The following AKR1B15 variants were observed in gnomAD, a reference collection of about 807,000 sequenced individuals.
The protein encoded by AKR1B15 is estradiol 17-beta-dehydrogenase AKR1B15.
A neutral mutation model predicts 38.5 loss-of-function variants in AKR1B15; 49 were observed. That is an observed-to-expected ratio of 1.27 (90% CI 1.01 to 1.62). The LOEUF is 1.62. Ranked by LOEUF, AKR1B15 falls within the 40% of genes most tolerant of loss-of-function variation. The probability of loss-of-function intolerance (pLI) is 0.00; values close to 1 mark genes in which losing one functional copy is unlikely to be tolerated. For missense variants in AKR1B15, 411 were observed against 381.6 expected, an observed-to-expected ratio of 1.08 and a Z score of -0.64; for synonymous variants, 137 against 135.5, an observed-to-expected ratio of 1.01 and a Z score of -0.08.
At chr7:134,551,169 T>A (rs1248606086) in intron 1 of AKR1B15, among the ~76,000 whole-genome samples, 1 of 152,072 alleles carries the variant, frequency 6.6e-6, no homozygotes, top group Admixed American at 6.5e-5. Flanking sequence ...CCTATAACCC[T>A]CCTCCTCCCC....
chr7:134,564,460 C>A (rs778425383), intron 2 of AKR1B15, 138 bp from the exon 3 acceptor site: 2 of 465,500 alleles, frequency 4.3e-6, no homozygotes, highest in Non-Finnish European at 7.6e-6. Flanking sequence ...TCAGGCAATG[C>A]CTTTCTAATT....
At chr7:134,561,186 T>G (rs563899119) in intron 2 of AKR1B15, among the ~76,000 whole-genome samples, 2 of 152,334 alleles carry the variant, frequency 1.3e-5, no homozygotes, top group African/African-American at 4.8e-5. Context: ...GGAGACTTTG[T>G]GACCACCAGA....
intron 11 of AKR1B15, 122 bp downstream of exon 11, chr7:134,577,908 G>A: frequency 7.0e-6 from 8 of 1,142,198 alleles, no homozygotes; most frequent in Non-Finnish European, 1.0e-5. Context: ...TTTTGGGGCA[G>A]TTTTGAAAGT....
At chr7:134,564,977 A>G (rs1445800233) in intron 3 of AKR1B15, 1 of 383,010 alleles carries the variant, frequency 2.6e-6, no homozygotes, top group Non-Finnish European at 4.7e-6. Context: ...AGCACTCTGT[A>G]AAAACGCAGC....
chr7:134,571,322 G>T (rs1230692381), intron 5 of AKR1B15, among the ~76,000 whole-genome samples: 1 of 152,196 alleles, frequency 6.6e-6, no homozygotes, highest in Non-Finnish European at 1.5e-5. Context: ...ATAGGATGTA[G>T]GTGTGTGAGG....
chr7:134,574,510 C>T (rs549959181), intron 6 of AKR1B15, among the ~76,000 whole-genome samples: 1 of 152,280 alleles, frequency 6.6e-6, no homozygotes, highest in South Asian at 2.1e-4. Flanking sequence ...TCTGAGGCAG[C>T]CTCAGTGTCA....
At chr7:134,550,831 C>T (rs1027088974) in intron 1 of AKR1B15, among the ~76,000 whole-genome samples, 1 of 152,198 alleles carries the variant, frequency 6.6e-6, no homozygotes, top group Non-Finnish European at 1.5e-5. Flanking sequence ...ACTCTGGACA[C>T]TCTGCGAAGT....
chr7:134,578,955 G>A (rs1218482137), intron 11 of AKR1B15, among the ~76,000 whole-genome samples: 1 of 152,230 alleles, frequency 6.6e-6, no homozygotes, highest in South Asian at 2.1e-4. Context: ...GGACTCAGAA[G>A]TAAATCCACC....
chr7:134,568,470 A>AT, intron 4 of AKR1B15, 145 bp downstream of exon 4: 1 of 1,263,488 alleles, frequency 7.9e-7, no homozygotes, highest in East Asian at 2.4e-5. Flanking sequence ...ATACAATACT[A>AT]TCCATACTCC....
chr7:134,552,575 G>C (rs112256765), intron 1 of AKR1B15, among the ~76,000 whole-genome samples: 2 of 152,090 alleles, frequency 1.3e-5, no homozygotes, highest in African/African-American at 4.8e-5. Context: ...CATTTTTGCC[G>C]GTCCAGAAAC....
intron 2 of AKR1B15, among the ~76,000 whole-genome samples, chr7:134,559,287 T>C (rs1794310229): frequency 6.6e-6 from 1 of 152,050 alleles, no homozygotes; most frequent in Admixed American, 6.6e-5. Flanking sequence ...AAATCAAGCA[T>C]GTATAAGTAT....
At chr7:134,578,592 A>G (rs1439437370) in intron 11 of AKR1B15, among the ~76,000 whole-genome samples, 1 of 152,242 alleles carries the variant, frequency 6.6e-6, no homozygotes, top group African/African-American at 2.4e-5. Flanking sequence ...AATGTGTCTA[A>G]TTACATATAT....
At chr7:134,564,957 T>G in intron 3 of AKR1B15, 188 bp downstream of exon 3, 1 of 431,848 alleles carries the variant, frequency 2.3e-6, no homozygotes, top group Non-Finnish European at 4.1e-6. Flanking sequence ...GGATTGTAAA[T>G]GCACCAATCA....
At chr7:134,575,268 C>T (rs1043941624) in intron 6 of AKR1B15, among the ~76,000 whole-genome samples, 152 bp from the exon 7 acceptor site, 1 of 152,092 alleles carries the variant, frequency 6.6e-6, no homozygotes, top group Admixed American at 6.5e-5. Context: ...CTGATGGGCA[C>T]CCAGGCCCTG....
At chr7:134,578,448 T>C (rs781191147) in intron 11 of AKR1B15, among the ~76,000 whole-genome samples, 14 of 152,188 alleles carry the variant, frequency 9.2e-5, no homozygotes, top group Non-Finnish European at 1.2e-4. Context: ...CTGGATTAAA[T>C]CATCTCCAAA....
At chr7:134,554,941 A>C (rs967662008) in intron 1 of AKR1B15, among the ~76,000 whole-genome samples, 1 of 152,210 alleles carries the variant, frequency 6.6e-6, no homozygotes, top group Non-Finnish European at 1.5e-5. Flanking sequence ...GCTCTGGACA[A>C]GTAGAATGCA....
In AKR1B15 at chr7:134,577,161, C is replaced by A. The variant is rs192507633; in HGVS notation, c.909+115C>A. Reference sequence around the variant, plus strand: ...CTGTCTTTGGCCCCCTCCTTCCCCACCACCCTATCATTTTCCAGCCCAGGG... The same window carrying A: ...CTGTCTTTGGCCCCCTCCTTCCCCAACACCCTATCATTTTCCAGCCCAGGG... On this transcript the variant is annotated intron_variant, in intron 10 of 11. Coordinates refer to ENST00000457545, the MANE Select transcript of AKR1B15 (RefSeq NM_001080538.3). 3.7e-6 allele frequency: 4 copies of A among 1,094,596 alleles called. No individual in the cohort carries two copies. The African/African-American group carries it at 6.3e-5, about 17-fold the overall frequency. The allele number at this position is 1,094,596 out of a possible 1,614,324, so 67.8% of individuals were successfully genotyped here.
At chr7:134,556,536 C>T (rs937068935) in intron 1 of AKR1B15, among the ~76,000 whole-genome samples, 200 bp from the exon 2 acceptor site, 26 of 152,158 alleles carry the variant, frequency 1.7e-4, no homozygotes, top group Non-Finnish European at 3.5e-4. Context: ...TGAGTCTCTC[C>T]TTACTTCCTT....
chr7:134,557,892 C>A lies in AKR1B15; in HGVS notation c.-23+1033C>A, dbSNP rs187308291. 1.7e-3 allele frequency among the ~76,000 whole-genome samples: 254 copies of A among 152,280 alleles called. 3 individuals carry two copies. The highest frequency in any genetic ancestry group is 0.01 in the Middle Eastern group (3 of 294). The stretch of plus-strand genomic sequence containing the variant: ...ATTCTCTCTATAACTCAGTCGGTTA[C>A]AATAAAATAGCAAAACAAGTTGCCA... On this transcript the variant is annotated intron_variant, in intron 2 of 11. Coordinates refer to ENST00000457545, the MANE Select transcript of AKR1B15 (RefSeq NM_001080538.3).
Sources: allele counts gnomAD v4.1 joint callset (sites outside exome capture counted in the v4.1 genomes callset), GRCh38; gene constraint gnomAD v4.1.1; transcripts MANE v1.5; gene names NCBI Gene and HGNC (gene_info 2026-07-23, HGNC 2026-07-21).